The following TASP1 variants were observed in gnomAD, a reference collection of about 807,000 sequenced individuals.
The protein encoded by TASP1 is threonine aspartase 1.
TASP1 carries 16 observed loss-of-function variants against 56.6 expected under a neutral mutation model. That is an observed-to-expected ratio of 0.28 (90% confidence interval 0.19 to 0.43). TASP1 has a LOEUF of 0.43. TASP1 is among the 20% of genes least tolerant of loss of function. The pLI, the probability that TASP1 is intolerant of heterozygous loss-of-function variation, is 1.00. For synonymous variants in TASP1, 179 were observed against 184.2 expected, an observed-to-expected ratio of 0.97 and a Z score of 0.23; for missense variants, 393 against 511.6, an observed-to-expected ratio of 0.77 and a Z score of 2.24.
intron 11 of TASP1, among the ~76,000 whole-genome samples, chr20:13,465,620 T>C (rs961571821): frequency 1.3e-5 from 2 of 152,070 alleles, no homozygotes; most frequent in Non-Finnish European, 2.9e-5. Flanking sequence ...CAACAAATTA[T>C]GGTGTGTCCA....
intron 11 of TASP1, among the ~76,000 whole-genome samples, chr20:13,456,400 G>A (rs2043837496): frequency 1.3e-5 from 2 of 152,032 alleles, no homozygotes; most frequent in African/African-American, 2.4e-5. Flanking sequence ...AGTTTTGATG[G>A]AAAATCATTA....
At chr20:13,252,569 G>T in the TASP1 span, among the ~76,000 whole-genome samples, 1 of 152,058 alleles carries the variant, frequency 6.6e-6, no homozygotes, top group Non-Finnish European at 1.5e-5. Context: ...TGACCAACAT[G>T]GTGAAACCCC....
At chr20:13,229,592 T>G in the TASP1 span, among the ~76,000 whole-genome samples, 1 of 152,228 alleles carries the variant, frequency 6.6e-6, no homozygotes, top group Non-Finnish European at 1.5e-5. Context: ...TTGTTTCCAT[T>G]GCTTTGCATA....
chr20:13,205,974 C>A, the TASP1 span, among the ~76,000 whole-genome samples: 1 of 152,248 alleles, frequency 6.6e-6, no homozygotes, highest in Non-Finnish European at 1.5e-5. Context: ...TGTTTGAGGA[C>A]TGCTCTCAGG....
chr20:13,140,228 T>C, the TASP1 span, among the ~76,000 whole-genome samples: 1 of 152,180 alleles, frequency 6.6e-6, no homozygotes, highest in Non-Finnish European at 1.5e-5. Context: ...AATGGCATCA[T>C]TATCAGAAAA....
intron 10 of TASP1, among the ~76,000 whole-genome samples, chr20:13,501,615 G>A (rs926304175): frequency 2.0e-5 from 3 of 151,614 alleles, no homozygotes; most frequent in South Asian, 2.1e-4. Flanking sequence ...ACAATAAAAC[G>A]AAAGAATAGA....
the TASP1 span, among the ~76,000 whole-genome samples, chr20:13,362,287 C>T: frequency 7.9e-5 from 12 of 151,984 alleles, no homozygotes; most frequent in African/African-American, 2.4e-4. Context: ...CTGTGACTTG[C>T]ACGTATATGC....
At chr20:13,153,722 C>A in the TASP1 span, among the ~76,000 whole-genome samples, 2 of 152,044 alleles carry the variant, frequency 1.3e-5, no homozygotes, top group Non-Finnish European at 2.9e-5. Flanking sequence ...AAAATAGATA[C>A]CTCCCCTGCC....
the TASP1 span, among the ~76,000 whole-genome samples, chr20:13,218,068 G>C: frequency 6.6e-6 from 1 of 151,934 alleles, no homozygotes; most frequent in Non-Finnish European, 1.5e-5. Flanking sequence ...TGGCCAATAC[G>C]GTGAAAATCT....
chr20:13,580,985 T>TATAA lies in TASP1; in HGVS notation c.404-5_404-4insTTAT. 6.8e-7 allele frequency: 1 copy of TATAA among 1,468,658 alleles called. No homozygotes were observed. The highest frequency in any genetic ancestry group is 9.2e-7 in the Non-Finnish European group (1 of 1,091,464). The allele number at this position is 1,468,658 out of a possible 1,614,324, so 91.0% of individuals were successfully genotyped here. A position where few individuals can be genotyped will look rare whatever the true frequency, so the allele number is the denominator to read the frequency against. On this transcript the variant is annotated splice_region_variant and splice_polypyrimidine_tract_variant and intron_variant, in intron 5 of 13. Coordinates refer to ENST00000337743, the MANE Select transcript of TASP1 (RefSeq NM_017714.3). Reference sequence around the variant, plus strand: ...ACCGAGACTGGGTTCTTGATTCCTATAAAAAAAAAAAAAAAATTGGCAAAA... The same window carrying TATAA: ...ACCGAGACTGGGTTCTTGATTCCTATATAAAAAAAAAAAAAAAAAATTGGCAAAA...
the TASP1 span, among the ~76,000 whole-genome samples, chr20:13,172,018 C>T: frequency 2.0e-5 from 3 of 151,672 alleles, no homozygotes; most frequent in South Asian, 2.1e-4. Context: ...AAGAAAAAAT[C>T]TTTGAATCTC....
intron 10 of TASP1, among the ~76,000 whole-genome samples, chr20:13,500,550 A>G (rs1168309474): frequency 2.6e-5 from 4 of 151,868 alleles, no homozygotes; most frequent in Non-Finnish European, 5.9e-5. Flanking sequence ...ATATTCCTAA[A>G]AGATGGGAAA....
the TASP1 span, among the ~76,000 whole-genome samples, chr20:13,355,153 C>CT: frequency 5.9e-5 from 9 of 152,022 alleles, no homozygotes; most frequent in Non-Finnish European, 8.8e-5. Context: ...TGGATAAATC[C>CT]AGAAAGAATA....
At chr20:13,435,542 C>A (rs1198041902) in intron 11 of TASP1, among the ~76,000 whole-genome samples, 6 of 152,162 alleles carry the variant, frequency 3.9e-5, no homozygotes, top group Non-Finnish European at 7.3e-5. Context: ...GGACACACCA[C>A]CAAAAGCTTC....
At chr20:13,621,693 C>T (rs926517714) in intron 4 of TASP1, among the ~76,000 whole-genome samples, 1 of 151,830 alleles carries the variant, frequency 6.6e-6, no homozygotes, top group African/African-American at 2.4e-5. Flanking sequence ...ATAAGTAAAC[C>T]CCTTAAAAGT....
the TASP1 span, among the ~76,000 whole-genome samples, chr20:13,294,290 C>T: frequency 6.6e-6 from 1 of 152,210 alleles, no homozygotes; most frequent in East Asian, 1.9e-4. Context: ...TCGCTAGGGC[C>T]TCTACCTCAT....
At chr20:13,557,492 G>T (rs775795576) in intron 8 of TASP1, among the ~76,000 whole-genome samples, 5 of 148,580 alleles carry the variant, frequency 3.4e-5, no homozygotes, top group Non-Finnish European at 7.4e-5. Flanking sequence ...CTTGATAGGT[G>T]TATGGTTTAC....
intron 11 of TASP1, among the ~76,000 whole-genome samples, chr20:13,461,023 C>T (rs1282220630): frequency 6.6e-6 from 1 of 152,142 alleles, no homozygotes; most frequent in African/African-American, 2.4e-5. Context: ...CCAGCTCATC[C>T]GTAACCATCC....
intron 11 of TASP1, among the ~76,000 whole-genome samples, chr20:13,449,840 A>G (rs1357630057): frequency 2.6e-5 from 4 of 152,152 alleles, no homozygotes; most frequent in African/African-American, 7.2e-5. Flanking sequence ...CCTGAACCCT[A>G]TAATAGGGAG....
Sources: allele counts gnomAD v4.1 joint callset (sites outside exome capture counted in the v4.1 genomes callset), GRCh38; gene constraint gnomAD v4.1.1; transcripts MANE v1.5; gene names NCBI Gene and HGNC (gene_info 2026-07-23, HGNC 2026-07-21).